Variants in FZR1 observed in about 807,000 individuals in gnomAD.
FZR1 encodes fizzy-related protein homolog.
In FZR1, 11 loss-of-function variants were observed where a neutral mutation model predicts 63.6. The ratio of observed to expected loss-of-function variants is 0.17; its 90% CI spans 0.11 to 0.29. The LOEUF (loss-of-function observed/expected upper bound fraction) is 0.29. Among genes scored for constraint, FZR1 ranks in the 10% least tolerant of loss-of-function variants. FZR1 has a pLI of 1.00. For synonymous variants in FZR1, 328 were observed against 297.9 expected (o/e 1.10, Z -1.04); for missense variants, 440 against 687.5 (o/e 0.64, Z 4.03).
chr19:3,518,007 CTTTCT>C (rs1202330698), intron 1 of FZR1, among the ~76,000 whole-genome samples: 2 of 135,848 alleles, frequency 1.5e-5, no homozygotes, highest in African/African-American at 5.6e-5. Flanking sequence ...CTAACTGTTT[CTTTCT>C]TTTTTTTTTT....
chr19:3,535,058 AG>A lies in FZR1; in HGVS notation c.*226del. The A allele has an allele frequency of 1.7e-6, 1 of 587,160 alleles. No homozygotes were observed. 36.4% of individuals were successfully genotyped at this position (587,160 alleles called of 1,614,324 possible). A position where few individuals can be genotyped will look rare whatever the true frequency, so the allele number is the denominator to read the frequency against. On this transcript the variant is annotated 3_prime_UTR_variant, in exon 14 of 14. Coordinates refer to ENST00000441788, the MANE Select transcript of FZR1 (RefSeq NM_016263.4). ...CACGTGGTCGGGGACCCTCAGCAGC[AG>A]GGGCTCTGTCTCCCTTCCCAAAGGG...
intron 2 of FZR1, among the ~76,000 whole-genome samples, chr19:3,524,990 C>G (rs191984779): frequency 6.6e-6 from 1 of 152,050 alleles, no homozygotes; most frequent in Non-Finnish European, 1.5e-5. Context: ...TTAGGGACAC[C>G]GGTCAGCTGA....
chr19:3,534,718 A>C (rs953953727), intron 13 of FZR1, 77 bp from the exon 14 acceptor site: 7 of 1,370,998 alleles, frequency 5.1e-6, no homozygotes, highest in Non-Finnish European at 7.3e-6. Context: ...CCAAGCCCCA[A>C]AGCCTTGGGG....
Position 3,515,578 on chromosome 19 carries a change from C to T in FZR1, c.-34-7378C>T, listed in dbSNP as rs1264924771. ...GGTCAGGAGATCGAAACCATCCTGG[C>T]TAATACTGTGAAACCCCGTCTCTAC... On this transcript the variant is annotated intron_variant, in intron 1 of 13. Coordinates refer to ENST00000441788, the MANE Select transcript of FZR1 (RefSeq NM_016263.4). The surrounding 1 kb of genome is among the most constrained non-coding windows in gnomAD (Gnocchi z 4.6). Among the ~76,000 whole-genome samples the T allele has an allele frequency of 6.6e-6, 1 of 152,058 alleles. No individual in the cohort carries two copies. The highest frequency in any genetic ancestry group is 2.4e-5 in the African/African-American group (1 of 41,378).
chr19:3,532,215 G>C lies in FZR1; in HGVS notation c.1008+120G>C, dbSNP rs998501109. On this transcript the variant is annotated intron_variant, in intron 10 of 13. Transcript: ENST00000441788. ...CGCGGGGCCCACTCCACAGCCATCAGCAGGGCACCAGGCTTGTCCTTCCTG... is the reference window on the plus strand; with the variant it reads ...CGCGGGGCCCACTCCACAGCCATCACCAGGGCACCAGGCTTGTCCTTCCTG... 2.7e-5 allele frequency: 28 copies of C among 1,021,560 alleles called. No individual in the cohort carries two copies. In the African/African-American group the frequency reaches 4.0e-4, roughly 15 times the overall value. The allele number at this position is 1,021,560 out of a possible 1,614,324, so 63.3% of individuals were successfully genotyped here.
At position 3,533,610 on chromosome 19, in the gene FZR1, C is replaced by T; in HGVS notation, c.1347+212C>T. The T allele has an allele frequency of 1.8e-6, 1 of 561,778 alleles. No individual in the cohort carries two copies. Among genetic ancestry groups the T allele is most frequent in the Non-Finnish European group, 3.2e-6 (1 of 314,388 alleles). 34.8% of individuals were successfully genotyped at this position (561,778 alleles called of 1,614,324 possible). On this transcript the variant is annotated intron_variant, in intron 12 of 13. Transcript: ENST00000441788. The surrounding 1 kb of genome is among the most constrained non-coding windows in gnomAD (Gnocchi z 4.9). ...ACCGAACTCCCCAGCCCTGCAGGTG[C>T]AGGCCCTGTCCTCCTGGAGGACCTT... is the stretch of plus-strand genomic sequence containing the variant.
intron 11 of FZR1, among the ~76,000 whole-genome samples, chr19:3,532,872 A>G (rs2083262137): frequency 6.6e-6 from 1 of 151,980 alleles, no homozygotes; most frequent in Admixed American, 6.5e-5. Flanking sequence ...CTGGGCCCCC[A>G]TCGCAGCCAC....
At chr19:3,510,023 G>A (rs991408107) in intron 1 of FZR1, among the ~76,000 whole-genome samples, 2 of 152,056 alleles carry the variant, frequency 1.3e-5, no homozygotes, top group African/African-American at 2.4e-5. Context: ...TGCAACCACC[G>A]TGAGCCCAGC....
chr19:3,522,982 G>A lies in FZR1; in HGVS notation c.-8G>A, dbSNP rs374465817. On this transcript the variant is annotated 5_prime_UTR_variant, in exon 2 of 14. Coordinates refer to ENST00000441788, the MANE Select transcript of FZR1 (RefSeq NM_016263.4). ...CTAACCTTGCCGCGGGCCGAGCCCT[G>A]CCTCGCCATGGACCAGGACTATGAG... is the stretch of plus-strand genomic sequence containing the variant. 3.7e-6 allele frequency: 6 copies of A among 1,608,060 alleles called. No homozygotes were observed. The highest frequency in any genetic ancestry group is 5.1e-6 in the Non-Finnish European group (6 of 1,175,670).
chr19:3,531,569 TC>T (rs1286034410), intron 8 of FZR1, 144 bp from the exon 9 acceptor site: 1 of 616,142 alleles, frequency 1.6e-6, no homozygotes, highest in East Asian at 2.8e-5. Context: ...TTATGCTTCT[TC>T]CGAAGGGACG....
At chr19:3,510,822 G>A (rs2083019033) in intron 1 of FZR1, among the ~76,000 whole-genome samples, 2 of 152,210 alleles carry the variant, frequency 1.3e-5, no homozygotes, top group Admixed American at 1.3e-4. Context: ...TCACAACTGG[G>A]GGGCGCTCCT....
intron 7 of FZR1, among the ~76,000 whole-genome samples, chr19:3,529,388 AT>A (rs1171343803): frequency 7.2e-6 from 1 of 138,660 alleles, no homozygotes; most frequent in Non-Finnish European, 1.6e-5. Flanking sequence ...GGGAGAGCAG[AT>A]GGGTGAGCGG....
chr19:3,534,666 T>A, intron 13 of FZR1, 129 bp from the exon 14 acceptor site: 1 of 938,014 alleles, frequency 1.1e-6, no homozygotes, highest in Non-Finnish European at 1.7e-6. Context: ...CGGGGCAGTG[T>A]GGCAGGCCGA....
chr19:3,527,641 C>T lies in FZR1; in HGVS notation c.481C>T (p.Leu161Phe). The T allele has an allele frequency of 6.2e-7, 1 of 1,607,778 alleles. No individual in the cohort carries two copies. The highest frequency in any genetic ancestry group is 8.5e-7 in the Non-Finnish European group (1 of 1,178,396). Residue 161 changes from leucine (L) to phenylalanine (F), a missense_variant, in exon 7 of 14, where the codon CTC becomes TTC. Transcript: ENST00000441788. ...TGGCCGCCTCTGCAGCCAGAAGCTG[C>T]TCCGGTCCCCCCGGAAACCCACCCG... ...SPVSNKSQKL[L>F]RSPRKPTRKI...
chr19:3,536,528 C>T lies in FZR1; in HGVS notation c.*1692C>T, dbSNP rs2029976356. ...CCTGCCCGCAGTTGCCAAAGAGCCGCCTTGTCGCTGTGGGCGTCAGGGCTT... is the reference window on the plus strand; with the variant it reads ...CCTGCCCGCAGTTGCCAAAGAGCCGTCTTGTCGCTGTGGGCGTCAGGGCTT... On this transcript the variant is annotated 3_prime_UTR_variant, in exon 14 of 14. Coordinates refer to ENST00000441788, the MANE Select transcript of FZR1 (RefSeq NM_016263.4). The T allele has an allele frequency of 6.6e-6, 1 of 152,282 alleles. No individual in the cohort carries two copies. Among genetic ancestry groups the T allele is most frequent in the South Asian group, 2.1e-4 (1 of 4,838 alleles). The allele number at this position is 152,282 out of a possible 1,614,324, so 9.4% of individuals were successfully genotyped here.
intron 1 of FZR1, among the ~76,000 whole-genome samples, chr19:3,518,027 T>G (rs1418172201): frequency 6.1e-5 from 9 of 147,578 alleles, no homozygotes; most frequent in Non-Finnish European, 1.4e-4. Context: ...TTTTTTTTTT[T>G]TTTTTGAGAC....
intron 7 of FZR1, among the ~76,000 whole-genome samples, chr19:3,528,384 T>C (rs1015790115): frequency 2.0e-5 from 3 of 152,232 alleles, no homozygotes; most frequent in Non-Finnish European, 2.9e-5. Context: ...GCCTATGAGC[T>C]GCTCCCGCTG....
intron 8 of FZR1, 32 bp from the exon 9 acceptor site, chr19:3,531,682 C>T (rs1568239767): frequency 6.8e-7 from 1 of 1,462,674 alleles, no homozygotes. Context: ...CCAGACCTGA[C>T]ACCGGTGCTC....
At chr19:3,520,468 A>G (rs1252937786) in intron 1 of FZR1, among the ~76,000 whole-genome samples, 2 of 152,096 alleles carry the variant, frequency 1.3e-5, no homozygotes, top group African/African-American at 4.8e-5. Flanking sequence ...GCTGCCCTGC[A>G]CTCTGCCTTC....
Sources: gnomAD v4.1 joint callset for allele counts (sites outside exome capture counted in the v4.1 genomes callset) on GRCh38, gnomAD v4.1.1 for gene constraint, Gnocchi (gnomAD v3.1) non-coding constraint, MANE v1.5 for transcripts, NCBI Gene and HGNC (gene_info 2026-07-23, HGNC 2026-07-21) for gene names.